The following KCNN2 variants were observed in gnomAD, a reference collection of about 807,000 sequenced individuals.
KCNN2 encodes potassium calcium-activated channel subfamily N member 2, also known as small conductance calcium-activated potassium channel protein 2.
In KCNN2, 24 loss-of-function variants were observed where a neutral mutation model predicts 55.5. The observed-to-expected ratio is 0.43, with a 90% CI of 0.31 to 0.61. The LOEUF (loss-of-function observed/expected upper bound fraction) is 0.61. KCNN2 is among the 20% of genes least tolerant of loss of function. The pLI is 0.08. For synonymous variants in KCNN2, 431 were observed against 336.1 expected, an observed-to-expected ratio of 1.28 and a Z score of -3.09; for missense variants, 754 against 853.6, an observed-to-expected ratio of 0.88 and a Z score of 1.45.
At chr5:114,102,050 C>A (rs989901430) in intron 1 of KCNN2, among the ~76,000 whole-genome samples, 6 of 152,170 alleles carry the variant, frequency 3.9e-5, no homozygotes, top group African/African-American at 1.4e-4. Flanking sequence ...CTCCCACCAA[C>A]AGTGAAAAAG....
chr5:114,229,425 A>G (rs1184360750), intron 2 of KCNN2, among the ~76,000 whole-genome samples: 2 of 151,846 alleles, frequency 1.3e-5, no homozygotes, highest in Non-Finnish European at 2.9e-5. Flanking sequence ...TCTTACTTTT[A>G]TCTTTATATT....
chr5:114,404,205 T>A (rs924233651), intron 2 of KCNN2, among the ~76,000 whole-genome samples: 2 of 152,232 alleles, frequency 1.3e-5, no homozygotes, highest in African/African-American at 4.8e-5. Context: ...TCCAGGAACT[T>A]TGAACTTCAA....
intron 2 of KCNN2, among the ~76,000 whole-genome samples, chr5:114,224,370 GAATT>G (rs1315529071): frequency 1.3e-5 from 2 of 152,056 alleles, no homozygotes; most frequent in Non-Finnish European, 2.9e-5. Context: ...TTTTCTTGCT[GAATT>G]AATGGAGTGT....
chr5:114,100,037 A>C (rs902177148), intron 1 of KCNN2, among the ~76,000 whole-genome samples: 3 of 152,088 alleles, frequency 2.0e-5, no homozygotes, highest in Admixed American at 2.0e-4. Context: ...AAACATCTCT[A>C]TAAATCTCAA....
intron 2 of KCNN2, among the ~76,000 whole-genome samples, chr5:114,282,423 C>A (rs745743567): frequency 2.0e-5 from 3 of 152,040 alleles, no homozygotes; most frequent in Non-Finnish European, 4.4e-5. Flanking sequence ...TATTTATAAT[C>A]AAGCTAGACA....
intron 1 of KCNN2, among the ~76,000 whole-genome samples, chr5:114,186,751 G>A (rs763057931): frequency 3.3e-5 from 5 of 152,170 alleles, no homozygotes; most frequent in Non-Finnish European, 7.4e-5. Flanking sequence ...CCAAAGATTA[G>A]TAATCAGTTA....
intron 2 of KCNN2, among the ~76,000 whole-genome samples, chr5:114,246,482 A>G (rs1012383347): frequency 2.0e-5 from 3 of 152,210 alleles, no homozygotes; most frequent in Non-Finnish European, 4.4e-5. Flanking sequence ...TATTGTTTAT[A>G]GAGTAGAATT....
intron 1 of KCNN2, among the ~76,000 whole-genome samples, chr5:114,149,412 C>T (rs1752469923): frequency 6.6e-6 from 1 of 152,146 alleles, no homozygotes; most frequent in South Asian, 2.1e-4. Context: ...TATTCCTAGG[C>T]AGATCGACAG....
intron 3 of KCNN2, among the ~76,000 whole-genome samples, chr5:114,461,226 C>T (rs929970202): frequency 2.0e-5 from 3 of 152,136 alleles, no homozygotes; most frequent in Non-Finnish European, 2.9e-5. Context: ...CAAAGATTCT[C>T]AGGGGAAATG....
chr5:114,347,367 A>AAC (rs1486991288), intron 2 of KCNN2, among the ~76,000 whole-genome samples: 5 of 152,234 alleles, frequency 3.3e-5, no homozygotes, highest in African/African-American at 7.2e-5. Context: ...CACCAGTATT[A>AAC]AGAAAACCCT....
At chr5:114,237,482 T>C (rs996616026) in intron 2 of KCNN2, among the ~76,000 whole-genome samples, 3 of 152,094 alleles carry the variant, frequency 2.0e-5, no homozygotes, top group Non-Finnish European at 4.4e-5. Context: ...TATGCAGTTG[T>C]GGACATTGGA....
intron 1 of KCNN2, among the ~76,000 whole-genome samples, chr5:114,105,453 A>G (rs899263152): frequency 2.7e-4 from 41 of 152,194 alleles, no homozygotes; most frequent in African/African-American, 9.9e-4. Context: ...AGTAGTCAAT[A>G]CAAGTCATCT....
chr5:114,266,258 C>T (rs1373129756), intron 2 of KCNN2, among the ~76,000 whole-genome samples: 1 of 152,178 alleles, frequency 6.6e-6, no homozygotes, highest in Admixed American at 6.5e-5. Context: ...AGGTGCTCAG[C>T]AGCCTCTGAC....
chr5:114,206,056 C>T (rs1422024178), intron 1 of KCNN2, among the ~76,000 whole-genome samples: 1 of 152,112 alleles, frequency 6.6e-6, no homozygotes, highest in African/African-American at 2.4e-5. Flanking sequence ...GTTCTAAATG[C>T]TAGTTAGCAG....
chr5:114,239,578 A>G (rs1408521151), intron 2 of KCNN2, among the ~76,000 whole-genome samples: 5 of 152,226 alleles, frequency 3.3e-5, no homozygotes, highest in Non-Finnish European at 5.9e-5. Flanking sequence ...CAGTTGGAGG[A>G]ACACTTGAGA....
chr5:114,061,513 G>A (rs1750329867), intron 1 of KCNN2, among the ~76,000 whole-genome samples: 1 of 152,036 alleles, frequency 6.6e-6, no homozygotes, highest in South Asian at 2.1e-4. Flanking sequence ...GTCTCATGCA[G>A]GACACTGCCA....
At chr5:114,160,130 C>T (rs147508843) in intron 1 of KCNN2, among the ~76,000 whole-genome samples, 3,487 of 152,128 alleles carry the variant, frequency 0.023, 82 homozygotes, top group African/African-American at 0.062. Flanking sequence ...TGCTTTCTCT[C>T]GTGGGCATTT....
chr5:114,143,308 C>T (rs1448156492), intron 1 of KCNN2, among the ~76,000 whole-genome samples: 1 of 151,990 alleles, frequency 6.6e-6, no homozygotes, highest in Non-Finnish European at 1.5e-5. Flanking sequence ...TCTAACAGAG[C>T]CTTAAAACAG....
At chr5:114,458,427 A>G (rs1342038644) in intron 3 of KCNN2, among the ~76,000 whole-genome samples, 13 of 152,248 alleles carry the variant, frequency 8.5e-5, no homozygotes, top group Non-Finnish European at 1.5e-4. Context: ...ACTGATGAGC[A>G]AGAATTATTT....
Sources: allele counts gnomAD v4.1 joint callset (sites outside exome capture counted in the v4.1 genomes callset), GRCh38; gene constraint gnomAD v4.1.1; transcripts MANE v1.5; gene names NCBI Gene and HGNC (gene_info 2026-07-23, HGNC 2026-07-21).